The following RC3H2 variants were observed in gnomAD, a reference collection of about 807,000 sequenced individuals.
RC3H2 encodes roquin-2.
RC3H2 carries 31 observed loss-of-function variants against 133.3 expected under a neutral mutation model. That is an observed-to-expected ratio of 0.23 (90% CI 0.17 to 0.31). RC3H2 has a LOEUF of 0.31. Ranked by LOEUF, RC3H2 falls within the 10% of genes least tolerant of loss-of-function variation. RC3H2 has a pLI of 1.00. For missense variants in RC3H2, 1,175 were observed against 1,437.2 expected (o/e 0.82, Z 2.95); for synonymous variants, 517 against 502.2 (o/e 1.03, Z -0.40).
intron 9 of RC3H2, among the ~76,000 whole-genome samples, chr9:122,867,441 C>T (rs1258071566): frequency 2.7e-5 from 4 of 149,020 alleles, no homozygotes; most frequent in South Asian, 4.2e-4. Flanking sequence ...CCAGCCACCC[C>T]GTCCAGGAGG....
intron 9 of RC3H2, among the ~76,000 whole-genome samples, chr9:122,866,909 T>C (rs945706395): frequency 6.9e-6 from 1 of 144,904 alleles, no homozygotes; most frequent in African/African-American, 2.6e-5. Flanking sequence ...CTGCCCAGTC[T>C]GGAAAGTGAG....
At chr9:122,891,352 GC>G (rs1295940146) in intron 3 of RC3H2, among the ~76,000 whole-genome samples, 1 of 151,934 alleles carries the variant, frequency 6.6e-6, no homozygotes, top group African/African-American at 2.4e-5. Context: ...CTCTTATGCA[GC>G]AAATTTTCTA....
At chr9:122,864,645 G>C (rs887841119) in intron 10 of RC3H2, among the ~76,000 whole-genome samples, 1 of 150,560 alleles carries the variant, frequency 6.6e-6, no homozygotes, top group African/African-American at 2.4e-5. Flanking sequence ...TTTTGAGACA[G>C]TGTCTCACTC....
intron 5 of RC3H2, among the ~76,000 whole-genome samples, chr9:122,882,640 A>C (rs181521779): frequency 2.2e-3 from 334 of 152,326 alleles, no homozygotes; most frequent in Non-Finnish European, 4.1e-3. Flanking sequence ...CTAGACTATT[A>C]GACAATGAAA....
chr9:122,898,232 A>C (rs1370148448), intron 1 of RC3H2: 1 of 152,230 alleles, frequency 6.6e-6, no homozygotes, highest in Admixed American at 6.5e-5. Context: ...ATACAGTGCC[A>C]AAGTAAAACA....
At position 122,859,056 on chromosome 9, in the gene RC3H2, A is replaced by C; in HGVS notation, c.1896T>G (p.Cys632Trp). ...PPTVPAGVAP[C>W]VPRFVRSNNV... ...TATTGGACCTCACAAAGCGAGGAAC[A>C]CAGGGAGCCACACCAGCTGGTACCG... The change falls in exon 12 of 21, where the codon TGT (cysteine) becomes TGG (tryptophan). Residue 632 changes from cysteine (C) to tryptophan (W), a missense_variant. Transcript: ENST00000357244. 1 of 1,607,032 alleles carries C rather than the reference A, an allele frequency of 6.2e-7. No homozygotes were observed. The highest frequency in any genetic ancestry group is 1.1e-5 in the South Asian group (1 of 90,214).
chr9:122,900,268 C>CTCTACAAA (rs751903253), intron 1 of RC3H2, among the ~76,000 whole-genome samples: 2 of 152,096 alleles, frequency 1.3e-5, no homozygotes, highest in Non-Finnish European at 2.9e-5. Context: ...TTGGCAATAA[C>CTCTACAAA]TCTACCAAAT....
chr9:122,904,515 G>A (rs547554114), intron 1 of RC3H2, among the ~76,000 whole-genome samples: 32 of 152,368 alleles, frequency 2.1e-4, no homozygotes, highest in African/African-American at 7.5e-4. Context: ...AAGGAAAAAT[G>A]AGAGAGGGAA....
intron 10 of RC3H2, among the ~76,000 whole-genome samples, chr9:122,864,292 C>T (rs1476183258): frequency 6.6e-6 from 1 of 152,108 alleles, no homozygotes; most frequent in Non-Finnish European, 1.5e-5. Flanking sequence ...TTCAGATAAT[C>T]TGAAAATTTA....
chr9:122,847,533 C>A lies in RC3H2; in HGVS notation c.*2094G>T, dbSNP rs933850029. On this transcript the variant is annotated 3_prime_UTR_variant, in exon 21 of 21. Transcript: ENST00000357244. ...ATATCCTTTTTGGAATTACAAACAG[C>A]AAATAAAGTACATTGGAAGCATTTC... is the stretch of plus-strand genomic sequence containing the variant. 1.3e-5 allele frequency: 2 copies of A among 151,924 alleles called. No homozygotes were observed. The highest frequency in any genetic ancestry group is 6.5e-5 in the Admixed American group (1 of 15,272). The allele number at this position is 151,924 out of a possible 1,614,324, so 9.4% of individuals were successfully genotyped here. A position where few individuals can be genotyped will look rare whatever the true frequency, so the allele number is the denominator to read the frequency against.
chr9:122,904,314 G>A (rs1451662357), intron 1 of RC3H2, among the ~76,000 whole-genome samples: 1 of 152,236 alleles, frequency 6.6e-6, no homozygotes, highest in Admixed American at 6.5e-5. Flanking sequence ...ATTTTGGTGT[G>A]AAGGATTTAT....
chr9:122,888,060 T>A (rs1388725122), intron 4 of RC3H2, among the ~76,000 whole-genome samples: 2 of 152,162 alleles, frequency 1.3e-5, no homozygotes, highest in Non-Finnish European at 2.9e-5. Context: ...TCTTTTTTTT[T>A]AAATGCTGAA....
chr9:122,888,047 G>T (rs1007753557), intron 4 of RC3H2, among the ~76,000 whole-genome samples: 1 of 151,908 alleles, frequency 6.6e-6, no homozygotes, highest in Non-Finnish European at 1.5e-5. Flanking sequence ...GCCTGGCCTT[G>T]TATCTTTTTT....
rs1004171021 is a variant in RC3H2, at chr9:122,891,528, G to A, written c.350-983C>T. On this transcript the variant is annotated intron_variant, in intron 3 of 20. Transcript: ENST00000357244. ...ATCACTTGACCAAACTTGCTAAATT[G>A]GTTAAATTAGTTAATTCTTAGTTCC... Among the ~76,000 whole-genome samples, 5 of 152,118 alleles carry A rather than the reference G, an allele frequency of 3.3e-5. No homozygotes were observed. In the East Asian group the frequency reaches 9.6e-4, roughly 29 times the overall value.
At chr9:122,902,739 C>A (rs1329881599) in intron 1 of RC3H2, among the ~76,000 whole-genome samples, 1 of 151,426 alleles carries the variant, frequency 6.6e-6, no homozygotes, top group Non-Finnish European at 1.5e-5. Context: ...GTAATCCCAA[C>A]TACTCAGGAG....
intron 1 of RC3H2, among the ~76,000 whole-genome samples, chr9:122,899,171 T>G (rs1832557385): frequency 7.5e-6 from 1 of 132,512 alleles, no homozygotes; most frequent in Non-Finnish European, 1.6e-5. Context: ...GGTGTGATCT[T>G]GGCTCACTGC....
intron 10 of RC3H2, among the ~76,000 whole-genome samples, chr9:122,861,348 G>C (rs553694878): frequency 1.6e-3 from 247 of 151,940 alleles, no homozygotes; most frequent in Non-Finnish European, 2.6e-3. Context: ...AAATTAGCCG[G>C]GTGTGGTGGT....
chr9:122,898,351 GAC>G (rs1832507440), intron 1 of RC3H2, among the ~76,000 whole-genome samples: 1 of 152,108 alleles, frequency 6.6e-6, no homozygotes, highest in Non-Finnish European at 1.5e-5. Context: ...CAATGAGGAA[GAC>G]ACAGAAGAAT....
At chr9:122,873,227 T>C (rs1831176901) in intron 9 of RC3H2, among the ~76,000 whole-genome samples, 3 of 152,214 alleles carry the variant, frequency 2.0e-5, no homozygotes, top group African/African-American at 7.2e-5. Context: ...TAGCAATATG[T>C]ATTTTTTAAA....
Sources: gnomAD v4.1 joint callset for allele counts (sites outside exome capture counted in the v4.1 genomes callset) on GRCh38, gnomAD v4.1.1 for gene constraint, MANE v1.5 for transcripts, NCBI Gene and HGNC (gene_info 2026-07-23, HGNC 2026-07-21) for gene names.